CCNT2: variants seen among roughly 807,000 people sequenced by gnomAD.
CCNT2 encodes cyclin-T2.
Under a neutral mutation model 70.0 loss-of-function variants are expected in CCNT2, and 18 were observed. The observed-to-expected ratio is 0.26, with a 90% CI of 0.18 to 0.38. CCNT2 has a LOEUF of 0.38. Ranked by LOEUF, CCNT2 falls within the 10% of genes least tolerant of loss-of-function variation. The probability of loss-of-function intolerance (pLI) is 1.00; values close to 1 mark genes in which losing one functional copy is unlikely to be tolerated. For missense variants in CCNT2, 734 were observed against 890.2 expected, an observed-to-expected ratio of 0.82 and a Z score of 2.23; for synonymous variants, 334 against 313.3, an observed-to-expected ratio of 1.07 and a Z score of -0.70.
intron 4 of CCNT2, among the ~76,000 whole-genome samples, chr2:134,941,193 C>T (rs1169248500): frequency 6.6e-6 from 1 of 152,084 alleles, no homozygotes; most frequent in Admixed American, 6.5e-5. Flanking sequence ...AAAGTTACAC[C>T]AGGTGTTGCC....
chr2:134,921,547 T>G (rs1033035047), intron 2 of CCNT2, among the ~76,000 whole-genome samples: 1 of 152,086 alleles, frequency 6.6e-6, no homozygotes, highest in African/African-American at 2.4e-5. Context: ...AGAGAGGGGG[T>G]TTCACCATGT....
At position 134,954,433 on chromosome 2, in the gene CCNT2, T is replaced by C. The variant is rs150971792; in HGVS notation, c.1978T>C (p.Ser660Pro). The C allele has an allele frequency of 1.2e-6, 2 of 1,614,064 alleles. No homozygotes were observed. The highest frequency in any genetic ancestry group is 1.7e-6 in the Non-Finnish European group (2 of 1,179,954). The change falls in exon 9 of 9, where the codon TCT becomes CCT. Residue 660 changes from serine to proline, a missense_variant. This residue lies in a region of CCNT2 where 532 missense variants were observed against 556.9 expected (regional missense o/e 0.96). Coordinates refer to ENST00000264157, the MANE Select transcript of CCNT2 (RefSeq NM_058241.3). ...TAAGCAGTATATATCCTCTCACAAC[T>C]CTGTTTTTAACCATCCCTTACCCCC... is the stretch of plus-strand genomic sequence containing the variant. ...SVKQYISSHN[S>P]VFNHPLPPPP...
At chr2:134,920,081 G>A (rs1679776557) in intron 2 of CCNT2, 190 bp downstream of exon 2, 2 of 510,256 alleles carry the variant, frequency 3.9e-6, no homozygotes, top group South Asian at 5.0e-5. Context: ...TAAACTGCAA[G>A]GCACTGTTAA....
At chr2:134,922,065 G>C (rs1170095544) in intron 2 of CCNT2, among the ~76,000 whole-genome samples, 1 of 151,294 alleles carries the variant, frequency 6.6e-6, no homozygotes, top group Non-Finnish European at 1.5e-5. Context: ...CTTCCCCCCT[G>C]TTCTTTTAGG....
intron 4 of CCNT2, among the ~76,000 whole-genome samples, chr2:134,939,699 C>T (rs539655617): frequency 6.6e-6 from 1 of 152,164 alleles, no homozygotes; most frequent in African/African-American, 2.4e-5. Flanking sequence ...CTCCTGAGCT[C>T]AGGGAATCTG....
chr2:134,952,061 C>A (rs1449220265), intron 7 of CCNT2, among the ~76,000 whole-genome samples: 1 of 152,048 alleles, frequency 6.6e-6, no homozygotes, highest in Non-Finnish European at 1.5e-5. Flanking sequence ...AGCAAGAATA[C>A]CATAGAAGTA....
chr2:134,946,399 T>C lies in CCNT2; in HGVS notation c.539+253T>C, dbSNP rs1214131133. On this transcript the variant is annotated intron_variant, in intron 6 of 8. Coordinates refer to ENST00000264157, the MANE Select transcript of CCNT2 (RefSeq NM_058241.3). Reference sequence around the variant, plus strand: ...GATTTGTGAGTGCATAAGTCTAAAATTGGTAGCCTGAATAGCAGCTAAAGA... The same window carrying C: ...GATTTGTGAGTGCATAAGTCTAAAACTGGTAGCCTGAATAGCAGCTAAAGA... 6 of 1,242,960 alleles carry C rather than the reference T, an allele frequency of 4.8e-6. No homozygotes were observed. In the South Asian group the frequency reaches 9.5e-5, roughly 20 times the overall value. 77.0% of individuals were successfully genotyped at this position (1,242,960 alleles called of 1,614,324 possible).
At chr2:134,930,897 A>G (rs1196951380) in intron 2 of CCNT2, among the ~76,000 whole-genome samples, 1 of 151,696 alleles carries the variant, frequency 6.6e-6, no homozygotes, top group Non-Finnish European at 1.5e-5. Context: ...AGTTTTATAG[A>G]TTTAGCTCTT....
intron 7 of CCNT2, among the ~76,000 whole-genome samples, chr2:134,951,921 A>G (rs1682533989): frequency 1.3e-5 from 2 of 152,160 alleles, no homozygotes; most frequent in African/African-American, 4.8e-5. Context: ...CCAGTCTGTG[A>G]CAGTTCTCCA....
intron 8 of CCNT2, 128 bp downstream of exon 8, chr2:134,952,839 T>A (rs1178467895): frequency 1.5e-6 from 1 of 683,874 alleles, no homozygotes; most frequent in Non-Finnish European, 2.5e-6. Flanking sequence ...TATCTCAAGT[T>A]ACATATACTC....
intron 5 of CCNT2, 75 bp from the exon 6 acceptor site, chr2:134,946,026 G>C: frequency 6.2e-7 from 1 of 1,607,018 alleles, no homozygotes. Flanking sequence ...TGAAGTTTTT[G>C]TTGTGTTGAG....
At chr2:134,936,801 T>G in intron 2 of CCNT2, 40 bp from the exon 3 acceptor site, 2 of 1,547,954 alleles carry the variant, frequency 1.3e-6, no homozygotes, top group South Asian at 1.2e-5. Flanking sequence ...TTTTGAAATG[T>G]ATTTGTTCTT....
intron 2 of CCNT2, among the ~76,000 whole-genome samples, chr2:134,933,394 C>T (rs897224628): frequency 2.6e-5 from 4 of 152,114 alleles, no homozygotes; most frequent in Admixed American, 6.5e-5. Flanking sequence ...ACCTTGCCTC[C>T]GCTATCAAGG....
At chr2:134,952,499 C>G (rs1682596581) in intron 7 of CCNT2, 142 bp from the exon 8 acceptor site, 1 of 478,652 alleles carries the variant, frequency 2.1e-6, no homozygotes, top group Non-Finnish European at 3.7e-6. Flanking sequence ...GTTGTGTGTA[C>G]TTCTGTGTAT....
Position 134,919,848 on chromosome 2 carries a change from A to G in CCNT2, c.197A>G (p.His66Arg). The change falls in exon 2 of 9, where the codon CAC becomes CGC. Residue 66 changes from histidine to arginine, a missense_variant. His to Arg is a conservative substitution (Grantham distance 29). Coordinates refer to ENST00000264157, the MANE Select transcript of CCNT2 (RefSeq NM_058241.3). ...ATAAACACTGCGATTGTTTATATGCACAGGTTTTATATGCACCATTCTTTC... is the reference window on the plus strand; with the variant it reads ...ATAAACACTGCGATTGTTTATATGCGCAGGTTTTATATGCACCATTCTTTC... The part of the protein sequence containing the change: ...LTINTAIVYM[H>R]RFYMHHSFTK... 6.2e-7 allele frequency: 1 copy of G among 1,613,408 alleles called. No homozygotes were observed. The highest frequency in any genetic ancestry group is 8.5e-7 in the Non-Finnish European group (1 of 1,179,624).
In CCNT2 at chr2:134,955,710, C is replaced by T. The variant is rs760262047; in HGVS notation, c.*1062C>T. On this transcript the variant is annotated 3_prime_UTR_variant, in exon 9 of 9. Transcript: ENST00000264157. Reference sequence around the variant, plus strand: ...TCTTAAATATACTCCTTCCCTGAAGCGTGTTTGTGTGTGATGCCATATTTC... The same window carrying T: ...TCTTAAATATACTCCTTCCCTGAAGTGTGTTTGTGTGTGATGCCATATTTC... 2.0e-5 allele frequency: 3 copies of T among 152,574 alleles called. No individual in the cohort carries two copies. Among genetic ancestry groups the T allele is most frequent in the Non-Finnish European group, 2.9e-5 (2 of 68,032 alleles). 9.5% of individuals were successfully genotyped at this position (152,574 alleles called of 1,614,324 possible).
intron 7 of CCNT2, among the ~76,000 whole-genome samples, chr2:134,948,990 C>G (rs1216126893): frequency 6.6e-6 from 1 of 152,088 alleles, no homozygotes; most frequent in African/African-American, 2.4e-5. Context: ...GCTGGGATTA[C>G]AGGCTTGAGC....
chr2:134,919,819 T>C lies in CCNT2; in HGVS notation c.168T>C (p.Leu56=). 6.2e-7 allele frequency: 1 copy of C among 1,609,964 alleles called. No homozygotes were observed. The highest frequency in any genetic ancestry group is 1.3e-5 in the African/African-American group (1 of 74,842). ...EMGQRLNVSQ[L]TINTAIVYMH... ...AAATATTACGTTCCAGCTCTCAGCT[T>C]ACAATAAACACTGCGATTGTTTATA... The change falls in exon 2 of 9, where the codon CTT becomes CTC. Residue 56 remains leucine (L), a synonymous_variant. Transcript: ENST00000264157.
intron 3 of CCNT2, 109 bp from the exon 4 acceptor site, chr2:134,938,893 A>T: frequency 1.5e-6 from 1 of 653,458 alleles, no homozygotes. Flanking sequence ...TTTTCAAACT[A>T]CTGTGGTTCT....
Sources: allele counts gnomAD v4.1 joint callset (sites outside exome capture counted in the v4.1 genomes callset), GRCh38; gene constraint gnomAD v4.1.1; regional missense constraint gnomAD v4.1.1; transcripts MANE v1.5; gene names NCBI Gene and HGNC (gene_info 2026-07-23, HGNC 2026-07-21).